Variants in FARP2 observed in about 807,000 individuals in gnomAD.
FARP2 encodes FERM, ARH/RhoGEF and pleckstrin domain protein 2.
FARP2 carries 111 observed loss-of-function variants against 130.5 expected under a neutral mutation model. The ratio of observed to expected loss-of-function variants is 0.85; its 90% confidence interval spans 0.73 to 1.00. The LOEUF is 1.00. FARP2 is among the 50% of genes least tolerant of loss of function. The pLI, the probability that FARP2 is intolerant of heterozygous loss-of-function variation, is 0.00. For missense variants in FARP2, 1,385 were observed against 1,346.3 expected (o/e 1.03, Z -0.45); for synonymous variants, 504 against 516.9 (o/e 0.98, Z 0.34).
chr2:241,417,967 A>G lies in FARP2; in HGVS notation c.629A>G (p.Gln210Arg), dbSNP rs1252927321. The G allele has an allele frequency of 1.9e-6, 3 of 1,614,126 alleles. No homozygotes were observed. Among genetic ancestry groups the G allele is most frequent in the Non-Finnish European group, 2.5e-6 (3 of 1,180,042 alleles). ...TCTACCATTTTTTATTACAGGGGCCAGACACCTGCTGAGTCGGATTTCCAG... is the reference window on the plus strand; with the variant it reads ...TCTACCATTTTTTATTACAGGGGCCGGACACCTGCTGAGTCGGATTTCCAG... ...ILEFHQKHVG[Q>R]TPAESDFQVL... Residue 210 changes from glutamine to arginine, a missense_variant, in exon 8 of 27, where the codon CAG becomes CGG. Transcript: ENST00000264042.
Position 241,421,145 on chromosome 2 carries a change from C to T in FARP2, c.771+3036C>T, listed in dbSNP as rs574571337. Reference sequence around the variant, plus strand: ...GTGCAACCTCACCCAGGAAACTACACCTCTCCCACAGATGTTTGCAACCCA... The same window carrying T: ...GTGCAACCTCACCCAGGAAACTACATCTCTCCCACAGATGTTTGCAACCCA... On this transcript the variant is annotated intron_variant, in intron 8 of 26. Coordinates refer to ENST00000264042, the MANE Select transcript of FARP2 (RefSeq NM_014808.4). Among the ~76,000 whole-genome samples the T allele has an allele frequency of 3.9e-5, 6 of 152,268 alleles. No individual in the cohort carries two copies. In the East Asian group the frequency reaches 1.2e-3, roughly 29 times the overall value.
intron 22 of FARP2, 81 bp from the exon 23 acceptor site, chr2:241,490,980 C>A: frequency 1.9e-6 from 2 of 1,065,092 alleles, no homozygotes; most frequent in South Asian, 1.3e-5. Flanking sequence ...AACAGGTGCC[C>A]TGACGGCTCG....
At chr2:241,444,613 A>G (rs1298528681) in intron 13 of FARP2, 2 of 152,134 alleles carry the variant, frequency 1.3e-5, no homozygotes, top group Non-Finnish European at 2.9e-5. Flanking sequence ...GTTCCTTCCT[A>G]AGGAGTGGGA....
In FARP2 at chr2:241,490,033, G is replaced by A; in HGVS notation, c.2493G>A (p.Val831=). The change falls in exon 22 of 27, where the codon GTG becomes GTA. Residue 831 remains valine, a synonymous_variant. Coordinates refer to ENST00000264042, the MANE Select transcript of FARP2 (RefSeq NM_014808.4). ...FTIYAAQKTI[V]VAASTRLEKE... The stretch of plus-strand genomic sequence containing the variant: ...TCTACGCGGCTCAGAAAACAATCGT[G>A]GTGGCAGCCAGGTAAGGGTCTTCCA... The A allele has an allele frequency of 1.2e-6, 2 of 1,613,338 alleles. No individual in the cohort carries two copies. The highest frequency in any genetic ancestry group is 2.2e-5 in the South Asian group (2 of 91,072).
Position 241,482,095 on chromosome 2 carries a change from A to G in FARP2, c.2263-1370A>G, listed in dbSNP as rs1345022709. ...GCCAGTTATTTGAGCAGAGGATGTAATAGCAAGGATTGTTAACCAGGTATA... is the reference window on the plus strand; with the variant it reads ...GCCAGTTATTTGAGCAGAGGATGTAGTAGCAAGGATTGTTAACCAGGTATA... On this transcript the variant is annotated intron_variant, in intron 19 of 26. Coordinates refer to ENST00000264042, the MANE Select transcript of FARP2 (RefSeq NM_014808.4). This position sits in a 1 kb window ranked among gnomAD's most constrained non-coding sequence, Gnocchi z 4.6. Among the ~76,000 whole-genome samples the G allele has an allele frequency of 6.6e-6, 1 of 152,238 alleles. No homozygotes were observed. Among genetic ancestry groups the G allele is most frequent in the African/African-American group, 2.4e-5 (1 of 41,452 alleles).
At chr2:241,434,044 C>T in intron 9 of FARP2, 114 bp from the exon 10 acceptor site, 1 of 830,860 alleles carries the variant, frequency 1.2e-6, no homozygotes, top group East Asian at 2.6e-5. Context: ...CAAAAAAAAA[C>T]CTTACTGATT....
At chr2:241,408,193 A>G (rs1260075722) in intron 5 of FARP2, among the ~76,000 whole-genome samples, 1 of 152,146 alleles carries the variant, frequency 6.6e-6, no homozygotes. Flanking sequence ...CACAGTTTTG[A>G]AACCCCGTCT....
intron 7 of FARP2, among the ~76,000 whole-genome samples, chr2:241,414,093 G>A (rs550514697): frequency 6.6e-6 from 1 of 152,200 alleles, no homozygotes; most frequent in Non-Finnish European, 1.5e-5. Context: ...ACACTGTGCT[G>A]TGGTAGAGGA....
At chr2:241,464,040 C>G in intron 17 of FARP2, 60 bp downstream of exon 17, 2 of 1,437,072 alleles carry the variant, frequency 1.4e-6, no homozygotes. Context: ...AAACCATCTT[C>G]CCGAAGCTGA....
At position 241,476,836 on chromosome 2, in the gene FARP2, C is replaced by T. The variant is rs149218159; in HGVS notation, c.2262+849C>T. 1.6e-3 allele frequency among the ~76,000 whole-genome samples: 242 copies of T among 152,238 alleles called. 3 individuals are homozygous for T. The highest frequency in any genetic ancestry group is 5.6e-3 in the African/African-American group (234 of 41,522). ...AATGTCGAATTCAGAACATTTTCAT[C>T]ACCCCAAAGTGAAACCCCCACAGCA... On this transcript the variant is annotated intron_variant, in intron 19 of 26. Coordinates refer to ENST00000264042, the MANE Select transcript of FARP2 (RefSeq NM_014808.4).
chr2:241,481,000 C>G (rs1297160493), intron 19 of FARP2, among the ~76,000 whole-genome samples: 2 of 146,912 alleles, frequency 1.4e-5, no homozygotes, highest in East Asian at 4.0e-4. Context: ...AGAAGGATCA[C>G]TTGAGGCCAG....
At chr2:241,492,840 T>A (rs1436167636) in intron 24 of FARP2, 89 bp from the exon 25 acceptor site, 7 of 742,808 alleles carry the variant, frequency 9.4e-6, no homozygotes, top group Non-Finnish European at 1.7e-5. Flanking sequence ...GGAGAAAGCA[T>A]GCAGAGGCTT....
chr2:241,455,715 CT>C (rs2063813866), intron 13 of FARP2, among the ~76,000 whole-genome samples: 1 of 146,984 alleles, frequency 6.8e-6, no homozygotes, highest in Non-Finnish European at 1.5e-5. Flanking sequence ...TAAATTCCTT[CT>C]CTAAAACTCT....
chr2:241,486,484 A>C (rs2064755489), intron 21 of FARP2, among the ~76,000 whole-genome samples: 1 of 136,468 alleles, frequency 7.3e-6, no homozygotes, highest in Admixed American at 7.7e-5. Context: ...AAAAAAAAAA[A>C]AAACACAGAG....
chr2:241,450,218 C>T (rs1220444830), intron 13 of FARP2, among the ~76,000 whole-genome samples: 5 of 151,922 alleles, frequency 3.3e-5, no homozygotes, highest in African/African-American at 1.2e-4. Flanking sequence ...TAAAACATAG[C>T]TGGGCACAGT....
intron 1 of FARP2, among the ~76,000 whole-genome samples, chr2:241,370,195 CAGAA>C (rs2061395338): frequency 6.6e-6 from 1 of 152,048 alleles, no homozygotes; most frequent in South Asian, 2.1e-4. Context: ...ATGTTCCCAA[CAGAA>C]AGAATTTGTA....
At chr2:241,431,880 G>GTA in intron 9 of FARP2, 106 bp downstream of exon 9, 1 of 291,142 alleles carries the variant, frequency 3.4e-6, no homozygotes, top group Non-Finnish European at 5.8e-6. Flanking sequence ...GAGTGCAATG[G>GTA]CATGATCTCG....
intron 7 of FARP2, 77 bp from the exon 8 acceptor site, chr2:241,417,885 A>T: frequency 1.4e-6 from 2 of 1,476,298 alleles, no homozygotes; most frequent in Non-Finnish European, 9.4e-7. Flanking sequence ...GGTTTTCCTG[A>T]TCGCTTCTAT....
chr2:241,422,893 A>G (rs2062847034), intron 8 of FARP2, among the ~76,000 whole-genome samples: 2 of 152,196 alleles, frequency 1.3e-5, no homozygotes, highest in South Asian at 4.1e-4. Context: ...TCTTTCTGAA[A>G]TAGGCAGACA....
Sources: allele counts gnomAD v4.1 joint callset (sites outside exome capture counted in the v4.1 genomes callset), GRCh38; gene constraint gnomAD v4.1.1; non-coding constraint Gnocchi (gnomAD v3.1); transcripts MANE v1.5; gene names NCBI Gene and HGNC (gene_info 2026-07-23, HGNC 2026-07-21).